CRAMP1: variants seen among roughly 807,000 people sequenced by gnomAD.
The protein encoded by CRAMP1 is cramped chromatin regulator 1.
Under a neutral mutation model 115.4 loss-of-function variants are expected in CRAMP1, and 50 were observed. That is an observed-to-expected ratio of 0.43 (90% CI 0.35 to 0.55). The LOEUF (loss-of-function observed/expected upper bound fraction) is 0.55, where lower values mean the gene tolerates loss of function less well. CRAMP1 is among the 20% of genes least tolerant of loss of function. The probability of loss-of-function intolerance (pLI) is 0.01; values close to 1 mark genes in which losing one functional copy is unlikely to be tolerated. For missense variants in CRAMP1, 1,679 were observed against 1,721.7 expected, an observed-to-expected ratio of 0.98 and a Z score of 0.44; for synonymous variants, 866 against 745.4, an observed-to-expected ratio of 1.16 and a Z score of -2.64.
At chr16:1,615,323 G>C (rs879548226) in intron 2 of CRAMP1, among the ~76,000 whole-genome samples, 4 of 152,212 alleles carry the variant, frequency 2.6e-5, no homozygotes, top group Non-Finnish European at 5.9e-5. Context: ...GAAACGGGAA[G>C]AGAAAAAAAT....
intron 10 of CRAMP1, among the ~76,000 whole-genome samples, chr16:1,657,364 C>G (rs143702178): frequency 1.0e-3 from 155 of 152,354 alleles, no homozygotes; most frequent in African/African-American, 3.4e-3. Context: ...TGTGAGCCGC[C>G]TCGTGTTCCT....
intron 10 of CRAMP1, 71 bp downstream of exon 10, chr16:1,657,063 C>A: frequency 7.4e-7 from 1 of 1,348,298 alleles, no homozygotes; most frequent in Non-Finnish European, 9.8e-7. Context: ...GGGCTCCCTG[C>A]TGGGTAGCTA....
At chr16:1,621,363 G>A (rs1442953648) in intron 2 of CRAMP1, among the ~76,000 whole-genome samples, 2 of 152,262 alleles carry the variant, frequency 1.3e-5, no homozygotes, top group African/African-American at 2.4e-5. Context: ...ACAGCAGGCT[G>A]TGGCAGGTGC....
At chr16:1,630,002 C>T (rs368403703) in intron 3 of CRAMP1, among the ~76,000 whole-genome samples, 2 of 151,968 alleles carry the variant, frequency 1.3e-5, no homozygotes, top group African/African-American at 2.4e-5. Flanking sequence ...GGTCACCTCA[C>T]GGTCCCCCAG....
chr16:1,642,599 A>G (rs891177908), intron 6 of CRAMP1, among the ~76,000 whole-genome samples: 118 of 152,234 alleles, frequency 7.8e-4, no homozygotes, highest in African/African-American at 2.8e-3. Flanking sequence ...CTCTACCTCC[A>G]TCAGGCAGTA....
rs1298680048 is a variant in CRAMP1, at chr16:1,614,071, G to A, written c.-1-568G>A. Among the ~76,000 whole-genome samples, 7 of 149,198 alleles carry A rather than the reference G, an allele frequency of 4.7e-5. No individual in the cohort carries two copies. Among genetic ancestry groups the A allele is most frequent in the African/African-American group, 1.7e-4 (7 of 40,894 alleles). Reference sequence around the variant, plus strand: ...TCCAGGGCCAGCTCTGGGGGCCGGCGCGTGGGGCAGGTGCGCGGGGCCCGG... The same window carrying A: ...TCCAGGGCCAGCTCTGGGGGCCGGCACGTGGGGCAGGTGCGCGGGGCCCGG... On this transcript the variant is annotated intron_variant, in intron 1 of 20. Transcript: ENST00000397412. This position sits in a 1 kb window ranked among gnomAD's most constrained non-coding sequence, Gnocchi z 4.4.
rs992802901 is a variant in CRAMP1 at position 1,671,373 on chromosome 16, T to C, written c.3645+564T>C. 1.3e-5 allele frequency among the ~76,000 whole-genome samples: 2 copies of C among 151,974 alleles called. No individual in the cohort carries two copies. The highest frequency in any genetic ancestry group is 4.8e-5 in the African/African-American group (2 of 41,368). On this transcript the variant is annotated intron_variant, in intron 20 of 20. Coordinates refer to ENST00000397412, the MANE Select transcript of CRAMP1 (RefSeq NM_020825.4). The surrounding 1 kb of genome is among the most constrained non-coding windows in gnomAD (Gnocchi z 5.0). ...AGGTTCTTGAGGGGAAGGCGAAACGTGGTTTGTGACTCTCCACTTTTGACG... is the reference window on the plus strand; with the variant it reads ...AGGTTCTTGAGGGGAAGGCGAAACGCGGTTTGTGACTCTCCACTTTTGACG...
chr16:1,622,410 G>A (rs552540329), intron 2 of CRAMP1, among the ~76,000 whole-genome samples: 71 of 152,268 alleles, frequency 4.7e-4, no homozygotes, highest in Non-Finnish European at 9.3e-4. Flanking sequence ...CTACTCGAGA[G>A]GCTGGGTGCC....
intron 11 of CRAMP1, 24 bp from the exon 12 acceptor site, chr16:1,662,466 T>C: frequency 1.3e-6 from 2 of 1,595,898 alleles, no homozygotes; most frequent in African/African-American, 1.3e-5. Context: ...GCTGTCACAC[T>C]GATTCTCTCC....
rs1188681275 is a variant in CRAMP1 at position 1,656,080 on chromosome 16, G to A, written c.1323G>A (p.Val441=). ...AGCAGAGTGCCAAGGACGCCCACGT[G>A]CTGCCCCCAGCCCAGATCCTGGGCA... ...RCKQSAKDAH[V]LPPAQILGIQ... Residue 441 remains valine, a synonymous_variant, in exon 10 of 21, where the codon GTG becomes GTA. Transcript: ENST00000397412. The surrounding 1 kb of genome is among the most constrained non-coding windows in gnomAD (Gnocchi z 5.6). 1.2e-6 allele frequency: 2 copies of A among 1,610,132 alleles called. No individual in the cohort carries two copies. Among genetic ancestry groups the A allele is most frequent in the South Asian group, 1.1e-5 (1 of 90,804 alleles).
rs752700402 is a variant in CRAMP1, at chr16:1,666,469, C to G, written c.2905C>G (p.Pro969Ala). The G allele has an allele frequency of 6.2e-7, 1 of 1,613,888 alleles. No individual in the cohort carries two copies. Among genetic ancestry groups the G allele is most frequent in the Admixed American group, 1.7e-5 (1 of 60,008 alleles). The part of the protein sequence containing the change: ...ATSAGILSGN[P>A]LPALDTEGLS... ...AAGTGCCGGCATCCTTTCCGGGAAC[C>G]CCCTCCCTGCCTTGGACACCGAGGG... Residue 969 changes from proline (P) to alanine (A), a missense_variant, in exon 16 of 21, where the codon CCC (proline) becomes GCC (alanine). Physicochemically the swap from Pro to Ala is conservative, Grantham distance 27 (BLOSUM62 -1). Around this residue, in one of 8 missense-constraint regions of CRAMP1, gnomAD observed 709 missense variants for 741.9 expected, o/e 0.96. Coordinates refer to ENST00000397412, the MANE Select transcript of CRAMP1 (RefSeq NM_020825.4). This position sits in a 1 kb window ranked among gnomAD's most constrained non-coding sequence, Gnocchi z 5.0.
intron 2 of CRAMP1, among the ~76,000 whole-genome samples, chr16:1,619,254 C>T (rs1222190400): frequency 6.6e-6 from 1 of 152,244 alleles, no homozygotes; most frequent in Non-Finnish European, 1.5e-5. Context: ...GATCTCAACT[C>T]ACTGCAATCT....
At chr16:1,667,935 G>A in intron 17 of CRAMP1, 27 bp from the exon 18 acceptor site, 3 of 1,454,750 alleles carry the variant, frequency 2.1e-6, no homozygotes, top group South Asian at 1.2e-5. Flanking sequence ...ACCTGGTTGT[G>A]TCTGAAAAAT....
At chr16:1,651,733 G>A (rs1254134062) in intron 6 of CRAMP1, among the ~76,000 whole-genome samples, 1 of 148,656 alleles carries the variant, frequency 6.7e-6, no homozygotes, top group Non-Finnish European at 1.5e-5. Flanking sequence ...GAGGTGGATT[G>A]AGGTCACACA....
intron 8 of CRAMP1, 97 bp from the exon 9 acceptor site, chr16:1,655,121 CT>C: frequency 1.8e-6 from 2 of 1,100,196 alleles, no homozygotes; most frequent in East Asian, 2.4e-5. Context: ...TCCCTTGTCT[CT>C]TTTGGCACCC....
chr16:1,654,570 T>C (rs1308551573), intron 8 of CRAMP1, among the ~76,000 whole-genome samples: 2 of 152,220 alleles, frequency 1.3e-5, no homozygotes, highest in East Asian at 3.9e-4. Flanking sequence ...CATTGTTCTG[T>C]GGCCACCGTC....
chr16:1,638,836 T>C (rs947359533), intron 5 of CRAMP1, among the ~76,000 whole-genome samples: 7 of 151,656 alleles, frequency 4.6e-5, no homozygotes, highest in African/African-American at 1.7e-4. Context: ...CCTTGCTGTG[T>C]CCTGCGGGGT....
At chr16:1,645,029 T>C (rs1487408842) in intron 6 of CRAMP1, among the ~76,000 whole-genome samples, 1 of 149,474 alleles carries the variant, frequency 6.7e-6, no homozygotes, top group Non-Finnish European at 1.5e-5. Flanking sequence ...TTTTTACTTT[T>C]GTTCTTTTTT....
At chr16:1,641,106 G>T in intron 5 of CRAMP1, 33 bp from the exon 6 acceptor site, 1 of 1,510,206 alleles carries the variant, frequency 6.6e-7, no homozygotes, top group Non-Finnish European at 9.2e-7. Flanking sequence ...TAACTACATT[G>T]TGGTCTCATT....
Sources: gnomAD v4.1 joint callset for allele counts (sites outside exome capture counted in the v4.1 genomes callset) on GRCh38, gnomAD v4.1.1 for gene constraint, gnomAD v4.1.1 regional missense constraint, Gnocchi (gnomAD v3.1) non-coding constraint, MANE v1.5 for transcripts, NCBI Gene and HGNC (gene_info 2026-07-23, HGNC 2026-07-21) for gene names.